Variants in BRIP1 observed in about 807,000 individuals in gnomAD.
The protein encoded by BRIP1 is BRCA1 interacting DNA helicase 1, also known as Fanconi anemia group J protein.
Under a neutral mutation model 119.7 loss-of-function variants are expected in BRIP1, and 88 were observed. That is an observed-to-expected ratio of 0.74 (90% confidence interval 0.62 to 0.88). The LOEUF (loss-of-function observed/expected upper bound fraction) is 0.88, where lower values mean the gene tolerates loss of function less well. Ranked by LOEUF, BRIP1 falls within the 40% of genes least tolerant of loss-of-function variation. The pLI is 0.00. For missense variants in BRIP1, 1,259 were observed against 1,455.4 expected (o/e 0.87, Z 2.20); for synonymous variants, 443 against 496.5 (o/e 0.89, Z 1.43).
chr17:61,766,596 G>A (rs533094054), intron 14 of BRIP1, among the ~76,000 whole-genome samples: 70 of 152,190 alleles, frequency 4.6e-4, no homozygotes, highest in Middle Eastern at 3.4e-3. Context: ...AAACAAACTA[G>A]TAGCACTGCA....
chr17:61,727,371 T>C (rs1024222639), intron 16 of BRIP1, among the ~76,000 whole-genome samples: 1 of 151,972 alleles, frequency 6.6e-6, no homozygotes, highest in Admixed American at 6.6e-5. Context: ...ATTAAATGAG[T>C]ACTGGAAAAT....
chr17:61,784,784 T>C (rs1474453829), intron 10 of BRIP1, among the ~76,000 whole-genome samples: 1 of 152,150 alleles, frequency 6.6e-6, no homozygotes, highest in Non-Finnish European at 1.5e-5. Flanking sequence ...TGCCATATGA[T>C]CTGTACAAAC....
In BRIP1 at chr17:61,853,643, A is replaced by G. The variant is rs1214736399; in HGVS notation, c.379+3415T>C. ...AGACACAAAGGCAATGTAGTGGATAAAGGATAGCCTTTTCGATATATCCAG... is the reference window on the plus strand; with the variant it reads ...AGACACAAAGGCAATGTAGTGGATAGAGGATAGCCTTTTCGATATATCCAG... On this transcript the variant is annotated intron_variant, in intron 4 of 19. Transcript: ENST00000259008. This position sits in a 1 kb window ranked among gnomAD's most constrained non-coding sequence, Gnocchi z 4.3. 6.6e-6 allele frequency among the ~76,000 whole-genome samples: 1 copy of G among 152,220 alleles called. No homozygotes were observed. Among genetic ancestry groups the G allele is most frequent in the Non-Finnish European group, 1.5e-5 (1 of 68,042 alleles).
rs1193950990 is a variant in BRIP1, at chr17:61,743,712, G to GGA, written c.2258-579_2258-578insTC. ...TTTATTATTTTTTGTGTGTGAGACA[G>GGA]GGTCTCACTCTGTCAGCCAGGCTGG... On this transcript the variant is annotated intron_variant, in intron 15 of 19. Coordinates refer to ENST00000259008, the MANE Select transcript of BRIP1 (RefSeq NM_032043.3). The surrounding 1 kb of genome is among the most constrained non-coding windows in gnomAD (Gnocchi z 4.3). Among the ~76,000 whole-genome samples the GGA allele has an allele frequency of 1.3e-5, 2 of 152,182 alleles. No homozygotes were observed. The highest frequency in any genetic ancestry group is 3.9e-4 in the East Asian group (2 of 5,176).
In BRIP1 at chr17:61,720,696, C is replaced by T. The variant is rs1398589468; in HGVS notation, c.2380-4633G>A. Among the ~76,000 whole-genome samples the T allele has an allele frequency of 1.3e-5, 2 of 152,166 alleles. No individual in the cohort carries two copies. The highest frequency in any genetic ancestry group is 2.9e-5 in the Non-Finnish European group (2 of 68,024). On this transcript the variant is annotated intron_variant, in intron 16 of 19. Transcript: ENST00000259008. This position sits in a 1 kb window ranked among gnomAD's most constrained non-coding sequence, Gnocchi z 4.3. The stretch of plus-strand genomic sequence containing the variant: ...ACTACCCACCAGCAGTTAGTAGTTA[C>T]TTAGTAGCTGTCTAGGTCTAATCGA...
In BRIP1 at chr17:61,699,121, T is replaced by C. The variant is rs1180369934; in HGVS notation, c.2493-5609A>G. On this transcript the variant is annotated intron_variant, in intron 17 of 19. Transcript: ENST00000259008. This position sits in a 1 kb window ranked among gnomAD's most constrained non-coding sequence, Gnocchi z 4.8. ...TCTCTTTTGTTTACTATTTGCATGG[T>C]ATGTCTTTTCCCATCATTTTATTTT... Among the ~76,000 whole-genome samples the C allele has an allele frequency of 1.3e-5, 2 of 152,228 alleles. No homozygotes were observed. Among genetic ancestry groups the C allele is most frequent in the Non-Finnish European group, 2.9e-5 (2 of 68,038 alleles).
Position 61,684,780 on chromosome 17 carries a change from T to G in BRIP1, c.2906-640A>C, listed in dbSNP as rs983381549. 2.0e-5 allele frequency: 3 copies of G among 152,008 alleles called. No individual in the cohort carries two copies. Among genetic ancestry groups the G allele is most frequent in the African/African-American group, 7.3e-5 (3 of 41,360 alleles). The allele number at this position is 152,008 out of a possible 1,614,324, so 9.4% of individuals were successfully genotyped here. On this transcript the variant is annotated intron_variant, in intron 19 of 19. Coordinates refer to ENST00000259008, the MANE Select transcript of BRIP1 (RefSeq NM_032043.3). The surrounding 1 kb of genome is among the most constrained non-coding windows in gnomAD (Gnocchi z 4.5). ...ATGTTTTTCTTTTTTTTAGTCCGAG[T>G]TTTGCTTTTGTTGCCCAGGCTGGAG...
At position 61,805,084 on chromosome 17, in the gene BRIP1, T is replaced by C. The variant is rs900601526; in HGVS notation, c.918+3383A>G. 4.5e-4 allele frequency among the ~76,000 whole-genome samples: 68 copies of C among 152,140 alleles called. No individual in the cohort carries two copies. Among genetic ancestry groups the C allele is most frequent in the African/African-American group, 1.6e-3 (68 of 41,506 alleles). On this transcript the variant is annotated intron_variant, in intron 7 of 19. Transcript: ENST00000259008. This position sits in a 1 kb window ranked among gnomAD's most constrained non-coding sequence, Gnocchi z 5.6. ...CACACATATATATGCATATATATAA[T>C]CTTTACATGTATTTTTATCTATGAA...
rs2076918610 is a variant in BRIP1 at position 61,736,347 on chromosome 17, TTAAA to T, written c.2379+6662_2379+6665del. ...TGTCTATAAAATAAAATAAAAATAT[TTAAA>T]TAAATAAATAATAAAAGAGGGATAG... On this transcript the variant is annotated intron_variant, in intron 16 of 19. Transcript: ENST00000259008. The surrounding 1 kb of genome is among the most constrained non-coding windows in gnomAD (Gnocchi z 4.4). 1.3e-5 allele frequency among the ~76,000 whole-genome samples: 2 copies of T among 151,710 alleles called. No individual in the cohort carries two copies. The highest frequency in any genetic ancestry group is 4.2e-4 in the South Asian group (2 of 4,818).
rs1567737234 is a variant in BRIP1, at chr17:61,693,100, A to G, written c.2575+330T>C. ...CCTTGAGGACATTATGCTAACTGAAATAAGCCAGTTACAGAAGGACAAATA... is the reference window on the plus strand; with the variant it reads ...CCTTGAGGACATTATGCTAACTGAAGTAAGCCAGTTACAGAAGGACAAATA... On this transcript the variant is annotated intron_variant, in intron 18 of 19. Transcript: ENST00000259008. The surrounding 1 kb of genome is among the most constrained non-coding windows in gnomAD (Gnocchi z 4.2). 1.3e-5 allele frequency among the ~76,000 whole-genome samples: 2 copies of G among 152,228 alleles called. No homozygotes were observed. Among genetic ancestry groups the G allele is most frequent in the Non-Finnish European group, 2.9e-5 (2 of 68,034 alleles).
intron 11 of BRIP1, among the ~76,000 whole-genome samples, chr17:61,782,927 C>G (rs1603336527): frequency 6.6e-6 from 1 of 152,070 alleles, no homozygotes; most frequent in East Asian, 1.9e-4. Context: ...AAATTGGAAC[C>G]CTTGTGCATT....
intron 11 of BRIP1, among the ~76,000 whole-genome samples, chr17:61,781,628 A>G (rs1039615779): frequency 6.6e-6 from 1 of 152,166 alleles, no homozygotes; most frequent in Admixed American, 6.5e-5. Context: ...TAAGCTTAAA[A>G]ATAATAAAAT....
At position 61,859,712 on chromosome 17, in the gene BRIP1, G is replaced by A. The variant is rs2078946960; in HGVS notation, c.205+84C>T. ...AAATATTTAAGTTAGCGACAGCATG[G>A]CTGAACCAGTCTGGATAAAGAATAC... On this transcript the variant is annotated intron_variant, in intron 3 of 19. Transcript: ENST00000259008. 1.4e-5 allele frequency: 12 copies of A among 882,684 alleles called. No individual in the cohort carries two copies. The Admixed American group carries it at 1.4e-4, about 10-fold the overall frequency. 54.7% of individuals were successfully genotyped at this position (882,684 alleles called of 1,614,324 possible). A position where few individuals can be genotyped will look rare whatever the true frequency, so the allele number is the denominator to read the frequency against.
At chr17:61,766,875 C>G (rs991918774) in intron 14 of BRIP1, among the ~76,000 whole-genome samples, 6 of 152,040 alleles carry the variant, frequency 3.9e-5, no homozygotes, top group Non-Finnish European at 8.8e-5. Flanking sequence ...AGTTTCTATT[C>G]TCTTTATATG....
At chr17:61,772,731 T>A (rs2077474654) in intron 14 of BRIP1, among the ~76,000 whole-genome samples, 1 of 142,468 alleles carries the variant, frequency 7.0e-6, no homozygotes, top group Non-Finnish European at 1.5e-5. Flanking sequence ...GGCAGGAGAA[T>A]CACTTGAACC....
intron 17 of BRIP1, among the ~76,000 whole-genome samples, chr17:61,715,707 G>A (rs1344937024): frequency 6.6e-6 from 1 of 152,160 alleles, no homozygotes; most frequent in Non-Finnish European, 1.5e-5. Context: ...GCTATTCATT[G>A]TTAGATCAAT....
rs192439960 is a variant in BRIP1 at position 61,851,918 on chromosome 17, C to T, written c.380-2662G>A. 3.3e-5 allele frequency among the ~76,000 whole-genome samples: 5 copies of T among 152,256 alleles called. No homozygotes were observed. The highest frequency in any genetic ancestry group is 1.9e-4 in the East Asian group (1 of 5,180). On this transcript the variant is annotated intron_variant, in intron 4 of 19. Coordinates refer to ENST00000259008, the MANE Select transcript of BRIP1 (RefSeq NM_032043.3). This position sits in a 1 kb window ranked among gnomAD's most constrained non-coding sequence, Gnocchi z 4.6. ...CTGGGCAATGTCTGGAGACATTTTTCGTTGTCACAAAAAGAGCAGAGGTGG... is the reference window on the plus strand; with the variant it reads ...CTGGGCAATGTCTGGAGACATTTTTTGTTGTCACAAAAAGAGCAGAGGTGG...
Position 61,686,779 on chromosome 17 carries a change from C to A in BRIP1, c.2576-614G>T, listed in dbSNP as rs2061371212. ...ATAAAGGATATGATTTGACCTGTGACATAAAAACTGCACAAAAATGAAACC... is the reference window on the plus strand; with the variant it reads ...ATAAAGGATATGATTTGACCTGTGAAATAAAAACTGCACAAAAATGAAACC... On this transcript the variant is annotated intron_variant, in intron 18 of 19. Transcript: ENST00000259008. The surrounding 1 kb of genome is among the most constrained non-coding windows in gnomAD (Gnocchi z 5.4). Among the ~76,000 whole-genome samples, 1 of 151,954 alleles carries A rather than the reference C, an allele frequency of 6.6e-6. No homozygotes were observed. The highest frequency in any genetic ancestry group is 1.5e-5 in the Non-Finnish European group (1 of 67,978).
chr17:61,711,876 T>A (rs191325943), intron 17 of BRIP1, among the ~76,000 whole-genome samples: 1,693 of 150,466 alleles, frequency 0.011, 18 homozygotes, highest in Non-Finnish European at 0.011. Context: ...AAAAAAAAAA[T>A]AATAATAATA....
Sources: allele counts gnomAD v4.1 joint callset (sites outside exome capture counted in the v4.1 genomes callset), GRCh38; gene constraint gnomAD v4.1.1; non-coding constraint Gnocchi (gnomAD v3.1); transcripts MANE v1.5; gene names NCBI Gene and HGNC (gene_info 2026-07-23, HGNC 2026-07-21).